The following PCSK5 variants were observed in gnomAD, a reference collection of about 807,000 sequenced individuals.
PCSK5 encodes prohormone convertase 5.
In PCSK5, 129 loss-of-function variants were observed where a neutral mutation model predicts 233.2. The observed-to-expected ratio is 0.55, with a 90% CI of 0.48 to 0.64. The LOEUF is 0.64. Among genes scored for constraint, PCSK5 ranks in the 30% least tolerant of loss-of-function variants. The probability of loss-of-function intolerance (pLI) is 0.00; values close to 1 mark genes in which losing one functional copy is unlikely to be tolerated. For missense variants in PCSK5, 2,076 were observed against 2,430.1 expected (o/e 0.85, Z 3.06); for synonymous variants, 825 against 879.2 (o/e 0.94, Z 1.09).
chr9:75,968,271 A>G (rs10512052), intron 2 of PCSK5, among the ~76,000 whole-genome samples: 28,191 of 152,216 alleles, frequency 0.19, 3,464 homozygotes, highest in East Asian at 0.47. Flanking sequence ...TTGAAGGGTC[A>G]GTCTCAGGAA....
At chr9:76,125,274 T>G (rs1357161568) in intron 9 of PCSK5, among the ~76,000 whole-genome samples, 1 of 152,112 alleles carries the variant, frequency 6.6e-6, no homozygotes, top group Non-Finnish European at 1.5e-5. Context: ...CCCTCTGAAG[T>G]GAGAAGATCA....
chr9:76,288,286 T>G (rs1003359395), intron 24 of PCSK5, among the ~76,000 whole-genome samples: 17 of 152,170 alleles, frequency 1.1e-4, no homozygotes, highest in Non-Finnish European at 2.1e-4. Flanking sequence ...TCCTGGTCTC[T>G]CCAAGGACTG....
intron 1 of PCSK5, among the ~76,000 whole-genome samples, chr9:75,908,442 T>C (rs1269886992): frequency 2.6e-5 from 4 of 152,242 alleles, no homozygotes; most frequent in Non-Finnish European, 4.4e-5. Flanking sequence ...GTCACTCTTA[T>C]GTGGATTATT....
intron 30 of PCSK5, among the ~76,000 whole-genome samples, chr9:76,311,572 C>T (rs569794084): frequency 1.3e-5 from 2 of 152,194 alleles, no homozygotes; most frequent in South Asian, 4.1e-4. Flanking sequence ...ACTCTTCCTA[C>T]CAATAGTCCC....
At chr9:75,934,398 G>A (rs1476065769) in intron 2 of PCSK5, among the ~76,000 whole-genome samples, 14 of 151,930 alleles carry the variant, frequency 9.2e-5, no homozygotes, top group Admixed American at 8.5e-4. Flanking sequence ...TTATTCTTTG[G>A]CCCTTTTTCG....
intron 9 of PCSK5, among the ~76,000 whole-genome samples, chr9:76,124,287 AG>A (rs1832756128): frequency 1.3e-5 from 2 of 152,212 alleles, no homozygotes; most frequent in Non-Finnish European, 2.9e-5. Flanking sequence ...GTGTTCATTA[AG>A]TGAAGTTATA....
chr9:76,353,839 C>T (rs1472872201), intron 36 of PCSK5, among the ~76,000 whole-genome samples, 194 bp from the exon 37 acceptor site: 2 of 152,312 alleles, frequency 1.3e-5, no homozygotes, highest in East Asian at 3.9e-4. Context: ...CAGGGCCCAG[C>T]CGTGATTCCA....
intron 24 of PCSK5, among the ~76,000 whole-genome samples, chr9:76,279,502 G>T (rs1158928851): frequency 7.9e-5 from 12 of 152,036 alleles, no homozygotes; most frequent in South Asian, 2.1e-4. Context: ...ACTTCCACAA[G>T]GGTTGAACTA....
chr9:76,333,549 T>A (rs1160707385), intron 34 of PCSK5, among the ~76,000 whole-genome samples: 2 of 152,334 alleles, frequency 1.3e-5, no homozygotes, highest in East Asian at 3.9e-4. Context: ...ACTCTATTAT[T>A]TTTCTGCTAG....
At chr9:76,341,450 T>C (rs1829832439) in intron 35 of PCSK5, among the ~76,000 whole-genome samples, 1 of 152,160 alleles carries the variant, frequency 6.6e-6, no homozygotes, top group Admixed American at 6.6e-5. Context: ...TTGTCATCCT[T>C]TTTTTAAACT....
chr9:76,152,287 T>C (rs1243615883), intron 10 of PCSK5, among the ~76,000 whole-genome samples: 2 of 152,212 alleles, frequency 1.3e-5, no homozygotes, highest in Non-Finnish European at 2.9e-5. Flanking sequence ...CAGACAGTCC[T>C]GTGCAAATCT....
intron 13 of PCSK5, among the ~76,000 whole-genome samples, chr9:76,170,489 G>T (rs1823284878): frequency 6.6e-6 from 1 of 152,192 alleles, no homozygotes; most frequent in Admixed American, 6.5e-5. Context: ...TATAAAATAA[G>T]GGAAAGTACA....
At chr9:76,353,045 A>T (rs1050311199) in intron 36 of PCSK5, among the ~76,000 whole-genome samples, 2 of 152,140 alleles carry the variant, frequency 1.3e-5, no homozygotes, top group African/African-American at 2.4e-5. Flanking sequence ...TATGAGTGCT[A>T]AGTAACAAAG....
At chr9:76,216,702 C>T (rs1025062667) in intron 20 of PCSK5, among the ~76,000 whole-genome samples, 5 of 152,056 alleles carry the variant, frequency 3.3e-5, no homozygotes, top group Non-Finnish European at 7.4e-5. Context: ...AACTTTGGTG[C>T]CAAATAGAAC....
intron 5 of PCSK5, among the ~76,000 whole-genome samples, chr9:76,053,168 C>T (rs1443503462): frequency 1.3e-5 from 2 of 152,200 alleles, no homozygotes; most frequent in African/African-American, 4.8e-5. Context: ...ATTCTGGGGT[C>T]TGGAGGATGG....
At chr9:75,997,290 TAGC>T (rs1308054757) in intron 3 of PCSK5, among the ~76,000 whole-genome samples, 1 of 152,340 alleles carries the variant, frequency 6.6e-6, no homozygotes, top group Admixed American at 6.5e-5. Flanking sequence ...TAATTTTGGT[TAGC>T]AGTGAACTTG....
chr9:76,129,339 G>A (rs990348960), intron 9 of PCSK5, among the ~76,000 whole-genome samples: 2 of 152,126 alleles, frequency 1.3e-5, no homozygotes, highest in African/African-American at 4.8e-5. Context: ...GGATATTTGC[G>A]ATGCTGATTG....
Position 76,239,175 on chromosome 9 carries a change from C to T in PCSK5, c.3073+10C>T, listed in dbSNP as rs1266934828. 1.9e-6 allele frequency: 3 copies of T among 1,560,868 alleles called. No individual in the cohort carries two copies. The highest frequency in any genetic ancestry group is 4.8e-5 in the East Asian group (2 of 41,966). On this transcript the variant is annotated intron_variant, in intron 23 of 37. Coordinates refer to ENST00000674117, the MANE Select transcript of PCSK5 (RefSeq NM_001372043.1). Reference sequence around the variant, plus strand: ...TTAGAGTGTGGACAAGGTAAGCCTGCTCCTGGGCCCTTGCCCAGCACCCGA... The same window carrying T: ...TTAGAGTGTGGACAAGGTAAGCCTGTTCCTGGGCCCTTGCCCAGCACCCGA...
chr9:76,096,119 T>C lies in PCSK5; in HGVS notation c.1107+17T>C, dbSNP rs1028702378. On this transcript the variant is annotated intron_variant, in intron 8 of 37. Coordinates refer to ENST00000674117, the MANE Select transcript of PCSK5 (RefSeq NM_001372043.1). Reference sequence around the variant, plus strand: ...AAGAAAATCGTACGTGACATGTGCATGCCCATCATGATCTGTTTATTTAAT... The same window carrying C: ...AAGAAAATCGTACGTGACATGTGCACGCCCATCATGATCTGTTTATTTAAT... 3.2e-6 allele frequency: 5 copies of C among 1,559,184 alleles called. No homozygotes were observed. Among genetic ancestry groups the C allele is most frequent in the Non-Finnish European group, 3.5e-6 (4 of 1,130,854 alleles).
Sources: allele counts gnomAD v4.1 joint callset (sites outside exome capture counted in the v4.1 genomes callset), GRCh38; gene constraint gnomAD v4.1.1; transcripts MANE v1.5; gene names NCBI Gene and HGNC (gene_info 2026-07-23, HGNC 2026-07-21).